Variants in RBFOX1 observed in about 807,000 individuals in gnomAD.
The protein encoded by RBFOX1 is RNA binding protein fox-1 homolog 1.
RBFOX1 carries 8 observed loss-of-function variants against 57.7 expected under a neutral mutation model. The observed-to-expected ratio is 0.14, with a 90% CI of 0.08 to 0.25. The LOEUF (loss-of-function observed/expected upper bound fraction) is 0.25. RBFOX1 is among the 10% of genes least tolerant of loss of function. The pLI, the probability that RBFOX1 is intolerant of heterozygous loss-of-function variation, is 1.00. For synonymous variants in RBFOX1, 326 were observed against 222.4 expected (o/e 1.47, Z -4.15); for missense variants, 611 against 548.5 (o/e 1.11, Z -1.14).
chr16:6,807,472 G>T (rs1005675358), intron 3 of RBFOX1, among the ~76,000 whole-genome samples: 8 of 152,018 alleles, frequency 5.3e-5, no homozygotes, highest in African/African-American at 1.9e-4. Flanking sequence ...ACAGGGCTGG[G>T]GTCCTGAGTT....
intron 3 of RBFOX1, among the ~76,000 whole-genome samples, chr16:6,787,691 C>G (rs745801237): frequency 1.3e-5 from 2 of 152,114 alleles, no homozygotes; most frequent in Admixed American, 1.3e-4. Context: ...GATTCATGAT[C>G]GTAGCATTCC....
chr16:6,363,216 CT>C (rs939572035), intron 2 of RBFOX1, among the ~76,000 whole-genome samples: 13 of 152,238 alleles, frequency 8.5e-5, no homozygotes, highest in East Asian at 1.9e-4. Context: ...ATTTTGAAGA[CT>C]TTTTTTCTAT....
At chr16:5,301,398 T>A (rs2063799101) in intron 1 of RBFOX1, among the ~76,000 whole-genome samples, 1 of 151,936 alleles carries the variant, frequency 6.6e-6, no homozygotes, top group Non-Finnish European at 1.5e-5. Context: ...GACGGGAGAT[T>A]CATGAGGTCA....
Position 6,816,665 on chromosome 16 carries a change from G to A in RBFOX1, c.-16+162015G>A, listed in dbSNP as rs12596751. Among the ~76,000 whole-genome samples, 708 of 151,128 alleles carry A rather than the reference G, an allele frequency of 4.7e-3. 16 individuals carry two copies. The highest frequency in any genetic ancestry group is 0.039 in the Admixed American group (590 of 15,148). On this transcript the variant is annotated intron_variant, in intron 3 of 15. Coordinates refer to ENST00000550418, the MANE Select transcript of RBFOX1 (RefSeq NM_018723.4). The stretch of plus-strand genomic sequence containing the variant: ...TGAGGCAGGAGAATGGCGTGAACCC[G>A]GGAGGTGGAGCTTGCAGTGAGCTGA...
intron 2 of RBFOX1, 22 bp from the exon 3 acceptor site, chr16:6,654,581 C>T: frequency 6.7e-7 from 1 of 1,499,588 alleles, no homozygotes; most frequent in South Asian, 1.3e-5. Flanking sequence ...TCTCACTTTC[C>T]TTTCTTTTCT....
chr16:7,337,133 A>C (rs145986969), intron 4 of RBFOX1, among the ~76,000 whole-genome samples: 1 of 152,138 alleles, frequency 6.6e-6, no homozygotes, highest in South Asian at 2.1e-4. Context: ...CCTAAAACCT[A>C]CACTTAGACA....
At chr16:7,094,350 G>A (rs1369394866) in intron 4 of RBFOX1, among the ~76,000 whole-genome samples, 1 of 152,092 alleles carries the variant, frequency 6.6e-6, no homozygotes, top group African/African-American at 2.4e-5. Context: ...GAAGTAGAGA[G>A]AGCTTTGCCC....
chr16:7,438,568 T>C (rs2098740708), intron 4 of RBFOX1, among the ~76,000 whole-genome samples: 1 of 152,194 alleles, frequency 6.6e-6, no homozygotes, highest in Admixed American at 6.5e-5. Context: ...CACTCATTTG[T>C]AAACCTCTCT....
At chr16:7,678,086 C>A (rs1331470021) in intron 14 of RBFOX1, among the ~76,000 whole-genome samples, 5 of 152,192 alleles carry the variant, frequency 3.3e-5, no homozygotes, top group Non-Finnish European at 5.9e-5. Context: ...GGCTCTTTGG[C>A]AAGATGGAGT....
intron 1 of RBFOX1, among the ~76,000 whole-genome samples, chr16:5,443,107 T>G (rs1204945719): frequency 6.6e-6 from 1 of 152,174 alleles, no homozygotes; most frequent in Non-Finnish European, 1.5e-5. Flanking sequence ...GACACCTTTA[T>G]TGTGGACTTC....
chr16:7,227,277 C>G (rs1437161213), intron 4 of RBFOX1, among the ~76,000 whole-genome samples: 1 of 102,892 alleles, frequency 9.7e-6, no homozygotes, highest in Non-Finnish European at 2.6e-5. Context: ...ACATACCACA[C>G]ACACCCCACC....
At chr16:5,595,980 C>T (rs1020831482) in intron 2 of RBFOX1, among the ~76,000 whole-genome samples, 4 of 152,126 alleles carry the variant, frequency 2.6e-5, no homozygotes, top group South Asian at 2.1e-4. Flanking sequence ...TCTTCTGTCT[C>T]CTAGGAGTGA....
At chr16:7,245,925 C>T (rs912352880) in intron 4 of RBFOX1, among the ~76,000 whole-genome samples, 1 of 152,086 alleles carries the variant, frequency 6.6e-6, no homozygotes, top group Non-Finnish European at 1.5e-5. Flanking sequence ...CCCATAGCAG[C>T]TTGAAACAGT....
intron 4 of RBFOX1, among the ~76,000 whole-genome samples, chr16:7,342,453 C>T (rs962572469): frequency 1.2e-4 from 18 of 152,282 alleles, no homozygotes; most frequent in Admixed American, 5.9e-4. Context: ...GGGAGCAATC[C>T]GATTTGACAA....
chr16:6,798,484 A>G (rs951606818), intron 3 of RBFOX1, among the ~76,000 whole-genome samples: 2 of 152,262 alleles, frequency 1.3e-5, no homozygotes, highest in Admixed American at 6.5e-5. Flanking sequence ...GAGCTGAAAC[A>G]TTGCCTAATT....
At chr16:6,944,826 G>A (rs562682914) in intron 3 of RBFOX1, among the ~76,000 whole-genome samples, 1 of 152,114 alleles carries the variant, frequency 6.6e-6, no homozygotes, top group Non-Finnish European at 1.5e-5. Context: ...GAGGGCTTTG[G>A]GTATGATTTG....
intron 2 of RBFOX1, among the ~76,000 whole-genome samples, chr16:6,523,767 T>C (rs2096540971): frequency 6.6e-6 from 1 of 152,198 alleles, no homozygotes; most frequent in South Asian, 2.1e-4. Context: ...AAAGCGACTA[T>C]TACATCCTCA....
At chr16:5,391,070 C>G (rs761116247) in intron 1 of RBFOX1, among the ~76,000 whole-genome samples, 1 of 152,232 alleles carries the variant, frequency 6.6e-6, no homozygotes, top group Non-Finnish European at 1.5e-5. Flanking sequence ...AAACTTCACT[C>G]CATCTCTAGT....
intron 13 of RBFOX1, among the ~76,000 whole-genome samples, chr16:7,667,161 TCTAA>T (rs1401808613): frequency 6.6e-6 from 1 of 152,186 alleles, no homozygotes; most frequent in Non-Finnish European, 1.5e-5. Context: ...CTGTCCTGTC[TCTAA>T]CAGTCTCTGG....
Sources: allele counts gnomAD v4.1 joint callset (sites outside exome capture counted in the v4.1 genomes callset), GRCh38; gene constraint gnomAD v4.1.1; transcripts MANE v1.5; gene names NCBI Gene and HGNC (gene_info 2026-07-23, HGNC 2026-07-21).